The following PCLO variants were observed in gnomAD, a reference collection of about 807,000 sequenced individuals.
PCLO encodes the protein piccolo presynaptic cytomatrix protein, also known as protein piccolo.
PCLO carries 82 observed loss-of-function variants against 427.5 expected under a neutral mutation model. The observed-to-expected ratio is 0.19, with a 90% CI of 0.16 to 0.23. The LOEUF is 0.23. PCLO is among the 10% of genes least tolerant of loss of function. The pLI, the probability that PCLO is intolerant of heterozygous loss-of-function variation, is 1.00. For missense variants in PCLO, 6,239 were observed against 6,115.9 expected (o/e 1.02, Z -0.67); for synonymous variants, 2,357 against 2,155.4 (o/e 1.09, Z -2.59).
intron 3 of PCLO, among the ~76,000 whole-genome samples, chr7:83,123,101 G>C (rs1222130893): frequency 6.6e-6 from 1 of 152,002 alleles, no homozygotes; most frequent in Non-Finnish European, 1.5e-5. Context: ...CAAAATACTA[G>C]TAACTTTCTT....
chr7:83,110,703 T>A (rs920125142), intron 3 of PCLO, among the ~76,000 whole-genome samples: 4 of 152,178 alleles, frequency 2.6e-5, no homozygotes, highest in African/African-American at 9.6e-5. Flanking sequence ...CCATTATACA[T>A]GAATATTACT....
chr7:83,094,200 AT>A (rs61624053), intron 3 of PCLO, among the ~76,000 whole-genome samples: 3,518 of 107,764 alleles, frequency 0.033, 168 homozygotes, highest in African/African-American at 0.12. Context: ...TTTGGGACTG[AT>A]TTTTTTTTCT....
chr7:83,065,886 T>C lies in PCLO; in HGVS notation c.3300+68364A>G, dbSNP rs567102879. Among the ~76,000 whole-genome samples, 13 of 152,186 alleles carry C rather than the reference T, an allele frequency of 8.5e-5. No homozygotes were observed. In the East Asian group the frequency reaches 9.7e-4, roughly 11 times the overall value. Reference sequence around the variant, plus strand: ...CTGGTCATGAGACGTTCTTTAACAATGGGGAACAAACGTTAATTTGATTAT... The same window carrying C: ...CTGGTCATGAGACGTTCTTTAACAACGGGGAACAAACGTTAATTTGATTAT... On this transcript the variant is annotated intron_variant, in intron 3 of 24. Transcript: ENST00000333891.
chr7:82,993,156 T>C (rs1050982602), intron 3 of PCLO, among the ~76,000 whole-genome samples: 15 of 152,188 alleles, frequency 9.9e-5, no homozygotes, highest in African/African-American at 2.6e-4. Context: ...TATAATTCTA[T>C]ATATTCAATG....
intron 3 of PCLO, among the ~76,000 whole-genome samples, chr7:82,987,380 C>T (rs1190135577): frequency 1.3e-5 from 2 of 151,736 alleles, no homozygotes; most frequent in African/African-American, 4.8e-5. Context: ...AAACAATTGT[C>T]AATAGTATGT....
At position 82,910,519 on chromosome 7, in the gene PCLO, A is replaced by G. The variant is rs183147210; in HGVS notation, c.13301-1506T>C. Among the ~76,000 whole-genome samples the G allele has an allele frequency of 2.7e-3, 404 of 152,228 alleles. 4 individuals are homozygous for G. Among genetic ancestry groups the G allele is most frequent in the African/African-American group, 9.1e-3 (380 of 41,550 alleles). ...CATATGTACTTGACTGATCTCACCTATTCTAAGCTGCTTAAAGGCAAAGCT... is the reference window on the plus strand; with the variant it reads ...CATATGTACTTGACTGATCTCACCTGTTCTAAGCTGCTTAAAGGCAAAGCT... On this transcript the variant is annotated intron_variant, in intron 7 of 24. Transcript: ENST00000333891.
At chr7:83,152,457 T>C (rs1428512665) in intron 2 of PCLO, among the ~76,000 whole-genome samples, 1 of 152,210 alleles carries the variant, frequency 6.6e-6, no homozygotes, top group Middle Eastern at 3.2e-3. Flanking sequence ...TCATATTAAT[T>C]GAGGTAACTT....
chr7:82,949,860 T>G lies in PCLO; in HGVS notation c.10728A>C (p.Gln3576His), dbSNP rs773919172. 2 of 1,613,766 alleles carry G rather than the reference T, an allele frequency of 1.2e-6. No homozygotes were observed. The highest frequency in any genetic ancestry group is 2.2e-5 in the South Asian group (2 of 91,072). ...ATGTGGCACTCAGATATTGAGGACT[T>G]TGTGTGTCTGAATCTGCTTCTGTTT... ...GCQTEADSDTQSPQYLSATSP... is the reference protein window; with the variant it reads ...GCQTEADSDTHSPQYLSATSP... The change falls in exon 6 of 25, where the codon CAA becomes CAC. Residue 3576 changes from glutamine to histidine, a missense_variant. Physicochemically the swap from Gln to His is conservative, Grantham distance 24 (BLOSUM62 0). This residue lies in a region of PCLO where 4,677 missense variants were observed against 4,468.4 expected (regional missense o/e 1.05). Coordinates refer to ENST00000333891, the MANE Select transcript of PCLO (RefSeq NM_033026.6).
intron 3 of PCLO, among the ~76,000 whole-genome samples, chr7:83,054,360 T>C (rs1789326724): frequency 6.6e-6 from 1 of 151,992 alleles, no homozygotes; most frequent in Non-Finnish European, 1.5e-5. Flanking sequence ...GAAAGATAAA[T>C]AGTTTCCTTT....
At chr7:83,132,778 C>G (rs1318547888) in intron 3 of PCLO, among the ~76,000 whole-genome samples, 1 of 151,974 alleles carries the variant, frequency 6.6e-6, no homozygotes, top group Non-Finnish European at 1.5e-5. Context: ...TGTGTTGATA[C>G]TATAAGGATC....
At chr7:82,941,466 A>G (rs61331125) in intron 6 of PCLO, among the ~76,000 whole-genome samples, 7,760 of 152,240 alleles carry the variant, frequency 0.051, 693 homozygotes, top group African/African-American at 0.18. Flanking sequence ...TGCAAATAAA[A>G]TTGATGTTGG....
At chr7:82,846,670 A>T (rs746181551) in intron 11 of PCLO, 36 bp from the exon 12 acceptor site, 11 of 1,396,234 alleles carry the variant, frequency 7.9e-6, no homozygotes, top group Non-Finnish European at 1.1e-5. Context: ...AAAGATATTG[A>T]GGAAATCTGA....
At chr7:82,822,390 C>T in intron 20 of PCLO, 105 bp downstream of exon 20, 1 of 1,599,154 alleles carries the variant, frequency 6.3e-7, no homozygotes, top group Non-Finnish European at 8.5e-7. Context: ...ACAGGGTGAG[C>T]AGAGGATGTT....
chr7:83,074,796 A>C (rs184914148), intron 3 of PCLO, among the ~76,000 whole-genome samples: 39 of 152,304 alleles, frequency 2.6e-4, no homozygotes, highest in Admixed American at 2.5e-3. Context: ...CATGAAGCAC[A>C]TACTTCACAC....
At chr7:82,837,316 C>A (rs1479021649) in intron 15 of PCLO, among the ~76,000 whole-genome samples, 1 of 151,884 alleles carries the variant, frequency 6.6e-6, no homozygotes, top group Non-Finnish European at 1.5e-5. Context: ...TACTTGTGTA[C>A]CACAATGGAA....
At position 82,999,629 on chromosome 7, in the gene PCLO, T is replaced by TG. The variant is rs1191398386; in HGVS notation, c.3301-33143_3301-33142insC. ...TATATATAAAATATAAAATATAATA[T>TG]TATATTAAAATATAAAATATAATAT... On this transcript the variant is annotated intron_variant, in intron 3 of 24. Coordinates refer to ENST00000333891, the MANE Select transcript of PCLO (RefSeq NM_033026.6). Among the ~76,000 whole-genome samples, 8 of 39,010 alleles carry TG rather than the reference T, an allele frequency of 2.1e-4. 3 individuals are homozygous for TG. The highest frequency in any genetic ancestry group is 1.0e-3 in the African/African-American group (7 of 6,730). The allele number at this position is 39,010 out of a possible 152,430, so 25.6% of individuals were successfully genotyped here. A position where few individuals can be genotyped will look rare whatever the true frequency, so the allele number is the denominator to read the frequency against.
chr7:83,040,051 TCA>T, intron 3 of PCLO, among the ~76,000 whole-genome samples: 1 of 152,292 alleles, frequency 6.6e-6, no homozygotes, highest in South Asian at 2.1e-4. Context: ...TTAATTCTAA[TCA>T]TTTTAATGGG....
At chr7:82,940,928 A>G (rs1286169230) in intron 6 of PCLO, among the ~76,000 whole-genome samples, 1 of 151,184 alleles carries the variant, frequency 6.6e-6, no homozygotes, top group Non-Finnish European at 1.5e-5. Flanking sequence ...ACGCCCGGCT[A>G]ATTTTTTGTA....
chr7:83,162,349 G>A lies in PCLO; in HGVS notation c.244C>T (p.His82Tyr). 1.3e-6 allele frequency: 2 copies of A among 1,598,536 alleles called. No homozygotes were observed. The highest frequency in any genetic ancestry group is 2.7e-5 in the African/African-American group (2 of 74,876). The part of the protein sequence containing the change: ...PPAAAESPSM[H>Y]RKQELDSSHP... ...TATACATCATGCTGTGCATGCCTGT[G>A]CATGGAAGGCGACTCCGCAGCGGCC... Residue 82 changes from histidine to tyrosine, a missense_variant, in exon 1 of 25, where the codon CAC (histidine) becomes TAC (tyrosine). This residue lies in a region of PCLO where 4,677 missense variants were observed against 4,468.4 expected (regional missense o/e 1.05). Transcript: ENST00000333891.
Sources: gnomAD v4.1 joint callset for allele counts (sites outside exome capture counted in the v4.1 genomes callset) on GRCh38, gnomAD v4.1.1 for gene constraint, gnomAD v4.1.1 regional missense constraint, MANE v1.5 for transcripts, NCBI Gene and HGNC (gene_info 2026-07-23, HGNC 2026-07-21) for gene names.